ATR: variants seen among roughly 807,000 people sequenced by gnomAD.
The protein encoded by ATR is serine/threonine-protein kinase ATR.
ATR carries 142 observed loss-of-function variants against 305.3 expected under a neutral mutation model. That is an observed-to-expected ratio of 0.47 (90% CI 0.41 to 0.53). The LOEUF is 0.53. Ranked by LOEUF, ATR falls within the 20% of genes least tolerant of loss-of-function variation. ATR has a pLI of 0.00. For missense variants in ATR, 2,135 were observed against 3,133.1 expected, an observed-to-expected ratio of 0.68 and a Z score of 7.60; for synonymous variants, 1,050 against 1,068.1, an observed-to-expected ratio of 0.98 and a Z score of 0.33.
At chr3:142,480,829 T>G (rs1248525819) in intron 36 of ATR, among the ~76,000 whole-genome samples, 1 of 152,182 alleles carries the variant, frequency 6.6e-6, no homozygotes, top group Admixed American at 6.5e-5. Context: ...TGCAGTTCGA[T>G]CTCAGACTGC....
In ATR at chr3:142,465,633, T is replaced by C. The variant is rs531824800; in HGVS notation, c.6898-393A>G. ...TTTATCAATTAAAAGTAGTTTGATT[T>C]TTGAAAAAACAAACTCCTTCAAAAT... On this transcript the variant is annotated intron_variant, in intron 40 of 46. Transcript: ENST00000350721. The C allele has an allele frequency of 1.9e-4, 31 of 159,346 alleles. No individual in the cohort carries two copies. The South Asian group carries it at 4.7e-3, about 24-fold the overall frequency. 9.9% of individuals were successfully genotyped at this position (159,346 alleles called of 1,614,324 possible). A position where few individuals can be genotyped will look rare whatever the true frequency, so the allele number is the denominator to read the frequency against.
chr3:142,472,820 G>A (rs1316891156), intron 36 of ATR, among the ~76,000 whole-genome samples: 1 of 151,806 alleles, frequency 6.6e-6, no homozygotes, highest in East Asian at 1.9e-4. Context: ...GTATTTTTTT[G>A]TAGAGATGGG....
At chr3:142,518,204 T>C (rs2032989861) in intron 24 of ATR, among the ~76,000 whole-genome samples, 2 of 152,232 alleles carry the variant, frequency 1.3e-5, no homozygotes, top group African/African-American at 2.4e-5. Flanking sequence ...ATTTTAACTT[T>C]AGTCTTTAAC....
chr3:142,536,065 C>T, intron 20 of ATR, 43 bp downstream of exon 20: 1 of 1,323,218 alleles, frequency 7.6e-7, no homozygotes, highest in African/African-American at 1.4e-5. Flanking sequence ...GGGAACAATT[C>T]TGTATTAATG....
At chr3:142,472,575 AAT>A (rs1227799244) in intron 36 of ATR, among the ~76,000 whole-genome samples, 1 of 152,084 alleles carries the variant, frequency 6.6e-6, no homozygotes, top group Non-Finnish European at 1.5e-5. Flanking sequence ...CTTCTTTTGA[AAT>A]ATGTCTGCTC....
At position 142,496,336 on chromosome 3, in the gene ATR, A is replaced by ATATATATCTATATATATC. The variant is rs531114901; in HGVS notation, c.5898+24_5898+25insGATATATATAGATATATA. ...TATATATATATATATATATATATATATGATGACATTTCCCTGGCCATTACC... is the reference window on the plus strand; with the variant it reads ...TATATATATATATATATATATATATATATATATCTATATATATCTGATGACATTTCCCTGGCCATTACC... On this transcript the variant is annotated intron_variant, in intron 34 of 46. Transcript: ENST00000350721. 1.3e-5 allele frequency: 7 copies of ATATATATCTATATATATC among 522,178 alleles called. 1 individual carries two copies. The African/African-American group carries it at 2.1e-4, about 15-fold the overall frequency. 32.3% of individuals were successfully genotyped at this position (522,178 alleles called of 1,614,324 possible). A position where few individuals can be genotyped will look rare whatever the true frequency, so the allele number is the denominator to read the frequency against.
At chr3:142,478,988 C>T (rs9845477) in intron 36 of ATR, among the ~76,000 whole-genome samples, 2,741 of 152,244 alleles carry the variant, frequency 0.018, 60 homozygotes, top group African/African-American at 0.057. Context: ...TGTGTCTCTG[C>T]ACGTGAGATG....
chr3:142,450,396 G>C, intron 46 of ATR: 1 of 1,554,894 alleles, frequency 6.4e-7, no homozygotes, highest in African/African-American at 1.4e-5. Flanking sequence ...TCAAAATGGG[G>C]CTGCTGTCTT....
intron 45 of ATR, among the ~76,000 whole-genome samples, chr3:142,457,294 G>T (rs2070928448): frequency 6.6e-6 from 1 of 152,122 alleles, no homozygotes; most frequent in African/African-American, 2.4e-5. Context: ...TAGATAGCAG[G>T]GGTGGGAGGG....
At chr3:142,499,437 G>A (rs2031831574) in intron 31 of ATR, among the ~76,000 whole-genome samples, 190 bp downstream of exon 31, 1 of 152,026 alleles carries the variant, frequency 6.6e-6, no homozygotes, top group South Asian at 2.1e-4. Flanking sequence ...TGGGACTACA[G>A]GCGCGTGCCA....
intron 35 of ATR, among the ~76,000 whole-genome samples, chr3:142,489,419 C>A (rs1052020815): frequency 9.9e-5 from 15 of 152,166 alleles, no homozygotes; most frequent in South Asian, 4.1e-4. Flanking sequence ...AGAAGATGAA[C>A]ATTCCTAACT....
At chr3:142,486,773 T>C (rs1387316961) in intron 35 of ATR, among the ~76,000 whole-genome samples, 4 of 149,742 alleles carry the variant, frequency 2.7e-5, no homozygotes, top group African/African-American at 9.8e-5. Context: ...ACTCCAGGAG[T>C]TTTTTGTCTG....
rs183663179 is a variant in ATR, at chr3:142,562,960, C to G, written c.442G>C (p.Glu148Gln). ...AAGTCTTCAAAAAGTTGTAATAATT[C>G]TTTTGTGAGTACCCCAAAAATAGCA... Reference protein sequence around the residue: ...SPAIFGVLTKELLQLFEDLVY... With the variant: ...SPAIFGVLTKQLLQLFEDLVY... Residue 148 changes from glutamate to glutamine, a missense_variant, in exon 4 of 47, where the codon GAA becomes CAA. Coordinates refer to ENST00000350721, the MANE Select transcript of ATR (RefSeq NM_001184.4). 3 of 1,612,128 alleles carry G rather than the reference C, an allele frequency of 1.9e-6. No homozygotes were observed. In the African/African-American group the frequency reaches 4.0e-5, roughly 22 times the overall value.
rs748830601 is a variant in ATR, at chr3:142,466,403, A to G, written c.6818T>C (p.Ile2273Thr). Residue 2273 changes from isoleucine (I) to threonine (T), a missense_variant, in exon 40 of 47, where the codon ATT becomes ACT. Coordinates refer to ENST00000350721, the MANE Select transcript of ATR (RefSeq NM_001184.4). The stretch of plus-strand genomic sequence containing the variant: ...AGCATGGTTAGCATGGGTACCCAGA[A>G]TTGATGGAAGTGTAGGTATCATGAC... ...QSVMIPTLPS[I>T]LGTHANHASH... 1 of 1,613,898 alleles carries G rather than the reference A, an allele frequency of 6.2e-7. No individual in the cohort carries two copies. The highest frequency in any genetic ancestry group is 1.3e-5 in the African/African-American group (1 of 74,936).
At chr3:142,454,692 CGGCCTCCCAAA>C (rs1439638104) in intron 45 of ATR, among the ~76,000 whole-genome samples, 1 of 152,108 alleles carries the variant, frequency 6.6e-6, no homozygotes, top group East Asian at 1.9e-4. Context: ...CCGCCCGCCT[CGGCCTCCCAAA>C]GTGCTGGGAT....
At chr3:142,504,178 A>G (rs1031567010) in intron 29 of ATR, among the ~76,000 whole-genome samples, 3 of 152,212 alleles carry the variant, frequency 2.0e-5, no homozygotes, top group African/African-American at 7.2e-5. Context: ...TCCCATTCCA[A>G]TAGACACACA....
At chr3:142,453,319 A>G in intron 45 of ATR, 86 bp from the exon 46 acceptor site, 4 of 1,448,378 alleles carry the variant, frequency 2.8e-6, no homozygotes, top group Non-Finnish European at 3.8e-6. Flanking sequence ...AAGGATGAGA[A>G]GCTAATGGTA....
At chr3:142,551,233 G>C (rs749322382) in intron 13 of ATR, among the ~76,000 whole-genome samples, 1 of 152,042 alleles carries the variant, frequency 6.6e-6, no homozygotes, top group African/African-American at 2.4e-5. Flanking sequence ...GCAAAATAGG[G>C]CTGCTCTCTC....
chr3:142,551,879 C>A (rs1437958913), intron 13 of ATR, among the ~76,000 whole-genome samples: 1 of 152,170 alleles, frequency 6.6e-6, no homozygotes, highest in Admixed American at 6.5e-5. Flanking sequence ...TCACAGTGGA[C>A]AGACAACCTA....
Sources: gnomAD v4.1 joint callset for allele counts (sites outside exome capture counted in the v4.1 genomes callset) on GRCh38, gnomAD v4.1.1 for gene constraint, MANE v1.5 for transcripts, NCBI Gene and HGNC (gene_info 2026-07-23, HGNC 2026-07-21) for gene names.